Variants in SHOC2 observed in about 807,000 individuals in gnomAD.
The protein encoded by SHOC2 is leucine-rich repeat protein SHOC-2.
SHOC2 carries 4 observed loss-of-function variants against 50.2 expected under a neutral mutation model. That is an observed-to-expected ratio of 0.08 (90% CI 0.04 to 0.18). The LOEUF is 0.18. Among genes scored for constraint, SHOC2 ranks in the 10% least tolerant of loss-of-function variants. The probability of loss-of-function intolerance (pLI) is 1.00; values close to 1 mark genes in which losing one functional copy is unlikely to be tolerated. For synonymous variants in SHOC2, 218 were observed against 244.5 expected, an observed-to-expected ratio of 0.89 and a Z score of 1.01; for missense variants, 388 against 669.6, an observed-to-expected ratio of 0.58 and a Z score of 4.64.
At chr10:110,922,876 G>A (rs1659325580) in intron 1 of SHOC2, among the ~76,000 whole-genome samples, 2 of 151,984 alleles carry the variant, frequency 1.3e-5, no homozygotes, top group Admixed American at 6.5e-5. Flanking sequence ...ATGAATAAAT[G>A]GAAACTGTAA....
rs138674663 is a variant in SHOC2 at position 111,003,594 on chromosome 10, G to A, written c.973-1012G>A. 5.2e-3 allele frequency among the ~76,000 whole-genome samples: 798 copies of A among 152,156 alleles called. 4 individuals carry two copies. The highest frequency in any genetic ancestry group is 0.019 in the African/African-American group (772 of 41,506). On this transcript the variant is annotated intron_variant, in intron 4 of 8. Coordinates refer to ENST00000369452, the MANE Select transcript of SHOC2 (RefSeq NM_007373.4). ...TACACTAGGTTCGGAAAAATAACTT[G>A]CCAAAGTCACAAGCTATTTAAAGAT...
intron 1 of SHOC2, chr10:110,951,494 AAG>A (rs1271410828): frequency 6.6e-6 from 1 of 152,226 alleles, no homozygotes; most frequent in Non-Finnish European, 1.5e-5. Context: ...AAAAATTAAA[AAG>A]AGAACTACCA....
intron 1 of SHOC2, among the ~76,000 whole-genome samples, chr10:110,950,540 A>T (rs1227843727): frequency 1.3e-5 from 2 of 152,174 alleles, no homozygotes; most frequent in Non-Finnish European, 2.9e-5. Flanking sequence ...TTTGTATGTA[A>T]CCACAAAAGA....
chr10:111,000,672 G>A, intron 4 of SHOC2, 127 bp downstream of exon 4: 1 of 816,172 alleles, frequency 1.2e-6, no homozygotes, highest in Admixed American at 2.1e-5. Context: ...TGAGTATGCT[G>A]TGAATGTACC....
chr10:110,992,759 T>G (rs1848207696), intron 3 of SHOC2, among the ~76,000 whole-genome samples: 2 of 152,212 alleles, frequency 1.3e-5, no homozygotes, highest in African/African-American at 4.8e-5. Flanking sequence ...TAGTTTTCTT[T>G]TTAATGGTGG....
chr10:111,002,584 T>C (rs1848398216), intron 4 of SHOC2, among the ~76,000 whole-genome samples: 1 of 152,204 alleles, frequency 6.6e-6, no homozygotes, highest in African/African-American at 2.4e-5. Flanking sequence ...ATAAACCTAC[T>C]AGTTATTGGA....
At chr10:110,926,315 A>G (rs1426300600) in intron 1 of SHOC2, among the ~76,000 whole-genome samples, 2 of 152,218 alleles carry the variant, frequency 1.3e-5, no homozygotes, top group African/African-American at 4.8e-5. Context: ...CAAGTGGAAA[A>G]TTAGTTTTAG....
chr10:110,994,873 G>A (rs909819080), intron 3 of SHOC2, among the ~76,000 whole-genome samples: 1 of 152,158 alleles, frequency 6.6e-6, no homozygotes, highest in African/African-American at 2.4e-5. Context: ...TTCCTTCCCG[G>A]CTGATACCTA....
intron 1 of SHOC2, among the ~76,000 whole-genome samples, chr10:110,921,851 C>T (rs1317520134): frequency 2.0e-5 from 3 of 151,958 alleles, no homozygotes; most frequent in African/African-American, 7.3e-5. Flanking sequence ...TAAAAGTTGA[C>T]ATTTGTTTTC....
intron 2 of SHOC2, among the ~76,000 whole-genome samples, chr10:110,979,102 G>T (rs916412142): frequency 2.6e-5 from 4 of 152,210 alleles, no homozygotes; most frequent in African/African-American, 9.6e-5. Flanking sequence ...TTCAGTTATA[G>T]TGTTAGCCAG....
intron 1 of SHOC2, among the ~76,000 whole-genome samples, chr10:110,959,636 C>T (rs938352413): frequency 6.6e-6 from 1 of 152,200 alleles, no homozygotes; most frequent in Non-Finnish European, 1.5e-5. Context: ...GCTTACTGTT[C>T]CCTACCACAG....
intron 4 of SHOC2, among the ~76,000 whole-genome samples, chr10:111,001,078 C>T (rs1010763265): frequency 1.5e-4 from 21 of 143,536 alleles, no homozygotes; most frequent in African/African-American, 5.1e-4. Flanking sequence ...TTTTTTAACA[C>T]ATTTTTAGGT....
chr10:111,001,085 A>C (rs1848363255), intron 4 of SHOC2, among the ~76,000 whole-genome samples: 1 of 144,370 alleles, frequency 6.9e-6, no homozygotes, highest in Non-Finnish European at 1.5e-5. Flanking sequence ...ACACATTTTT[A>C]GGTTTTGTTG....
At chr10:110,939,270 G>A (rs944749878) in intron 1 of SHOC2, among the ~76,000 whole-genome samples, 3 of 151,972 alleles carry the variant, frequency 2.0e-5, no homozygotes, top group Admixed American at 1.3e-4. Flanking sequence ...CCAGGGTGGA[G>A]TGCAGTGGCA....
chr10:110,976,540 G>A (rs1349294401), intron 2 of SHOC2, among the ~76,000 whole-genome samples: 3 of 152,064 alleles, frequency 2.0e-5, no homozygotes, highest in African/African-American at 7.2e-5. Flanking sequence ...TTAAACTCCT[G>A]GGCTCAAGCA....
In SHOC2 at chr10:110,964,140, A is replaced by G. The variant is rs1173973060; in HGVS notation, c.-219A>G. The G allele has an allele frequency of 3.3e-6, 2 of 604,358 alleles. No individual in the cohort carries two copies. Among genetic ancestry groups the G allele is most frequent in the South Asian group, 2.3e-5 (1 of 43,580 alleles). The allele number at this position is 604,358 out of a possible 1,614,324, so 37.4% of individuals were successfully genotyped here. A position where few individuals can be genotyped will look rare whatever the true frequency, so the allele number is the denominator to read the frequency against. On this transcript the variant is annotated 5_prime_UTR_variant, in exon 2 of 9. Coordinates refer to ENST00000369452, the MANE Select transcript of SHOC2 (RefSeq NM_007373.4). This position sits in a 1 kb window ranked among gnomAD's most constrained non-coding sequence, Gnocchi z 4.9. ...TATATTTCAGGAACTCTAATGAATC[A>G]TTGATTGACCAGCACTATTTTACCA...
chr10:110,974,231 C>T (rs1303449820), intron 2 of SHOC2, among the ~76,000 whole-genome samples: 1 of 151,864 alleles, frequency 6.6e-6, no homozygotes, highest in African/African-American at 2.4e-5. Flanking sequence ...TTCTAAATAT[C>T]CCTTTTTATA....
At chr10:110,980,645 A>G (rs537297104) in intron 2 of SHOC2, among the ~76,000 whole-genome samples, 7 of 152,256 alleles carry the variant, frequency 4.6e-5, no homozygotes, top group African/African-American at 1.7e-4. Flanking sequence ...GTTTGCTTCA[A>G]AACTTTAAAT....
intron 3 of SHOC2, among the ~76,000 whole-genome samples, chr10:110,998,262 G>C (rs1848305598): frequency 6.6e-6 from 1 of 152,124 alleles, no homozygotes; most frequent in African/African-American, 2.4e-5. Context: ...ACCTCCCAAA[G>C]TGCTGGGATT....
Sources: allele counts gnomAD v4.1 joint callset (sites outside exome capture counted in the v4.1 genomes callset), GRCh38; gene constraint gnomAD v4.1.1; non-coding constraint Gnocchi (gnomAD v3.1); transcripts MANE v1.5; gene names NCBI Gene and HGNC (gene_info 2026-07-23, HGNC 2026-07-21).